Variants in CNTNAP2 observed in about 807,000 individuals in gnomAD.
The protein encoded by CNTNAP2 is contactin associated protein 2.
In CNTNAP2, 98 loss-of-function variants were observed where a neutral mutation model predicts 155.2. The observed-to-expected ratio is 0.63, with a 90% CI of 0.54 to 0.75. The LOEUF (loss-of-function observed/expected upper bound fraction) is 0.75, where lower values mean the gene tolerates loss of function less well. Among genes scored for constraint, CNTNAP2 ranks in the 30% least tolerant of loss-of-function variants. The pLI is 0.00. For missense variants in CNTNAP2, 1,727 were observed against 1,688.1 expected, an observed-to-expected ratio of 1.02 and a Z score of -0.40; for synonymous variants, 651 against 631.2, an observed-to-expected ratio of 1.03 and a Z score of -0.47.
At chr7:146,568,485 G>A (rs950090363) in intron 1 of CNTNAP2, among the ~76,000 whole-genome samples, 1 of 152,094 alleles carries the variant, frequency 6.6e-6, no homozygotes, top group Non-Finnish European at 1.5e-5. Context: ...ATTGCTTAAT[G>A]TTCAAATTTT....
At position 147,395,704 on chromosome 7, in the gene CNTNAP2, A is replaced by T; in HGVS notation, c.1594A>T (p.Asn532Tyr). The T allele has an allele frequency of 6.2e-7, 1 of 1,612,590 alleles. No individual in the cohort carries two copies. The change falls in exon 10 of 24, where the codon AAT becomes TAT. Residue 532 changes from asparagine to tyrosine, a missense_variant. Asn to Tyr is a moderately radical substitution (Grantham distance 143). Transcript: ENST00000361727. ...CATTCAAGTGGACGATCAACTTGTAAATTTATACGAAGTGGCACAAAGGAA... is the reference window on the plus strand; with the variant it reads ...CATTCAAGTGGACGATCAACTTGTATATTTATACGAAGTGGCACAAAGGAA... ...QLIQVDDQLV[N>Y]LYEVAQRKPG...
chr7:147,930,482 G>A (rs1800480051), intron 14 of CNTNAP2, among the ~76,000 whole-genome samples: 1 of 152,058 alleles, frequency 6.6e-6, no homozygotes, highest in African/African-American at 2.4e-5. Context: ...AGACAAAAAA[G>A]GACACTATAT....
chr7:146,453,683 T>G (rs920455459), intron 1 of CNTNAP2, among the ~76,000 whole-genome samples: 1 of 152,190 alleles, frequency 6.6e-6, no homozygotes, highest in African/African-American at 2.4e-5. Flanking sequence ...ATCCCATATA[T>G]TCAAGAAGTG....
At chr7:147,974,895 C>T (rs1801399834) in intron 14 of CNTNAP2, among the ~76,000 whole-genome samples, 1 of 151,698 alleles carries the variant, frequency 6.6e-6, no homozygotes, top group Non-Finnish European at 1.5e-5. Context: ...AATAGCCAAA[C>T]ACTGGAAACA....
chr7:147,639,380 G>A (rs1795238766), intron 13 of CNTNAP2, 74 bp downstream of exon 13: 4 of 1,399,926 alleles, frequency 2.9e-6, no homozygotes, highest in Non-Finnish European at 3.0e-6. Context: ...GAATCCAACA[G>A]GTGTGGTTCA....
chr7:147,909,725 A>G (rs1245129117), intron 14 of CNTNAP2, among the ~76,000 whole-genome samples: 1 of 152,240 alleles, frequency 6.6e-6, no homozygotes, highest in Admixed American at 6.5e-5. Flanking sequence ...CTAAATCACC[A>G]TATCTGAAAT....
At chr7:148,223,728 T>C (rs951092453) in intron 19 of CNTNAP2, among the ~76,000 whole-genome samples, 1 of 152,218 alleles carries the variant, frequency 6.6e-6, no homozygotes, top group East Asian at 1.9e-4. Flanking sequence ...AACTCATCTT[T>C]CTTTCTCAAA....
At chr7:147,804,703 A>C (rs1428886807) in intron 13 of CNTNAP2, among the ~76,000 whole-genome samples, 2 of 151,718 alleles carry the variant, frequency 1.3e-5, no homozygotes, top group Non-Finnish European at 2.9e-5. Context: ...ATAGGCATGC[A>C]CCATGACACC....
At chr7:146,226,767 A>G (rs1799299045) in intron 1 of CNTNAP2, among the ~76,000 whole-genome samples, 1 of 152,152 alleles carries the variant, frequency 6.6e-6, no homozygotes. Context: ...TGAGAAAGGG[A>G]TGCAAATGAG....
intron 3 of CNTNAP2, among the ~76,000 whole-genome samples, chr7:146,905,857 T>C (rs1413108346): frequency 6.6e-6 from 1 of 152,164 alleles, no homozygotes; most frequent in Non-Finnish European, 1.5e-5. Context: ...ATGCAGAAGA[T>C]GGGTGATTTC....
At chr7:148,024,173 A>AAAAAAAAC (rs796940228) in intron 15 of CNTNAP2, among the ~76,000 whole-genome samples, 2 of 147,886 alleles carry the variant, frequency 1.4e-5, no homozygotes, top group Non-Finnish European at 3.0e-5. Flanking sequence ...AAAAAAAAAA[A>AAAAAAAAC]AAAAAACTTT....
At chr7:148,180,369 A>G (rs559542912) in intron 18 of CNTNAP2, among the ~76,000 whole-genome samples, 1 of 152,036 alleles carries the variant, frequency 6.6e-6, no homozygotes, top group South Asian at 2.1e-4. Context: ...CTCTTAATGT[A>G]TTTCTTAAAT....
intron 3 of CNTNAP2, among the ~76,000 whole-genome samples, chr7:146,910,425 C>A (rs1796247198): frequency 6.7e-6 from 1 of 148,942 alleles, no homozygotes; most frequent in Admixed American, 6.6e-5. Context: ...CTACAGTAAC[C>A]AAAACAGCAT....
intron 14 of CNTNAP2, among the ~76,000 whole-genome samples, chr7:147,914,235 C>CT (rs199677140): frequency 6.6e-6 from 1 of 152,058 alleles, no homozygotes; most frequent in Non-Finnish European, 1.5e-5. Flanking sequence ...TCTGGTGTTT[C>CT]TTTTTTAAAA....
rs1797861269 is a variant in CNTNAP2 at position 147,453,113 on chromosome 7, T to G, written c.1671-32822T>G. ...GCAGGCATACTCCTTGCCCTCTTTTTCCCTTTCTCCTGCTGGCAAAGCCTG... is the reference window on the plus strand; with the variant it reads ...GCAGGCATACTCCTTGCCCTCTTTTGCCCTTTCTCCTGCTGGCAAAGCCTG... On this transcript the variant is annotated intron_variant, in intron 10 of 23. Transcript: ENST00000361727. Among the ~76,000 whole-genome samples the G allele has an allele frequency of 2.0e-5, 3 of 152,096 alleles. No individual in the cohort carries two copies. In the South Asian group the frequency reaches 6.2e-4, roughly 32 times the overall value.
At chr7:147,158,711 G>A (rs570145050) in intron 8 of CNTNAP2, among the ~76,000 whole-genome samples, 1 of 152,150 alleles carries the variant, frequency 6.6e-6, no homozygotes, top group African/African-American at 2.4e-5. Context: ...AAACCTGAAT[G>A]ATGGAGTTTT....
chr7:146,896,665 T>A (rs1795883968), intron 3 of CNTNAP2, among the ~76,000 whole-genome samples: 2 of 152,006 alleles, frequency 1.3e-5, no homozygotes, highest in South Asian at 4.1e-4. Flanking sequence ...CCACAATTAC[T>A]TTTGCACCGA....
intron 1 of CNTNAP2, among the ~76,000 whole-genome samples, chr7:146,504,764 A>AT (rs1554441822): frequency 6.3e-4 from 96 of 152,054 alleles, no homozygotes; most frequent in African/African-American, 2.2e-3. Context: ...ACATAAGGCC[A>AT]CCCCCAGGTA....
At chr7:146,643,992 GA>G (rs1240643130) in intron 1 of CNTNAP2, among the ~76,000 whole-genome samples, 1 of 152,150 alleles carries the variant, frequency 6.6e-6, no homozygotes, top group Non-Finnish European at 1.5e-5. Context: ...GAAAGCTTGT[GA>G]TTTTTGTAGA....
Sources: gnomAD v4.1 joint callset for allele counts (sites outside exome capture counted in the v4.1 genomes callset) on GRCh38, gnomAD v4.1.1 for gene constraint, MANE v1.5 for transcripts, NCBI Gene and HGNC (gene_info 2026-07-23, HGNC 2026-07-21) for gene names.